INPP5A: variants seen among roughly 807,000 people sequenced by gnomAD.
The protein encoded by INPP5A is inositol polyphosphate-5-phosphatase A.
INPP5A carries 14 observed loss-of-function variants against 65.2 expected under a neutral mutation model. The ratio of observed to expected loss-of-function variants is 0.21; its 90% CI spans 0.14 to 0.34. INPP5A has a LOEUF of 0.34. Among genes scored for constraint, INPP5A ranks in the 10% least tolerant of loss-of-function variants. The pLI is 1.00. For synonymous variants in INPP5A, 207 were observed against 208.3 expected, an observed-to-expected ratio of 0.99 and a Z score of 0.05; for missense variants, 431 against 545.6, an observed-to-expected ratio of 0.79 and a Z score of 2.09.
At chr10:132,700,873 A>G (rs923970294) in intron 6 of INPP5A, among the ~76,000 whole-genome samples, 1 of 152,238 alleles carries the variant, frequency 6.6e-6, no homozygotes, top group African/African-American at 2.4e-5. Context: ...TTGGCTTGGT[A>G]TGAATTTCAA....
rs2072941477 is a variant in INPP5A, at chr10:132,674,776, A to G, written c.307-15616A>G. ...GTCACACGGTGACTTGATGACCCATAGACAAACGTTCAGTTTCCACCAAAG... is the reference window on the plus strand; with the variant it reads ...GTCACACGGTGACTTGATGACCCATGGACAAACGTTCAGTTTCCACCAAAG... On this transcript the variant is annotated intron_variant, in intron 4 of 15. Transcript: ENST00000368594. The surrounding 1 kb of genome is among the most constrained non-coding windows in gnomAD (Gnocchi z 4.4). Among the ~76,000 whole-genome samples, 1 of 152,152 alleles carries G rather than the reference A, an allele frequency of 6.6e-6. No individual in the cohort carries two copies. The highest frequency in any genetic ancestry group is 6.5e-5 in the Admixed American group (1 of 15,278).
At chr10:132,566,301 G>A (rs1021342816) in intron 1 of INPP5A, among the ~76,000 whole-genome samples, 1 of 152,188 alleles carries the variant, frequency 6.6e-6, no homozygotes, top group African/African-American at 2.4e-5. Flanking sequence ...AGCTCCAGAT[G>A]TAGGTGTTTC....
intron 8 of INPP5A, among the ~76,000 whole-genome samples, chr10:132,723,269 T>C (rs7071281): frequency 0.034 from 5,236 of 152,354 alleles, 289 homozygotes; most frequent in African/African-American, 0.12. Context: ...CCCCAGAGTA[T>C]TGAGAGAGGA....
At chr10:132,621,431 A>G (rs10128233) in intron 2 of INPP5A, among the ~76,000 whole-genome samples, 2,828 of 152,126 alleles carry the variant, frequency 0.019, 89 homozygotes, top group African/African-American at 0.063. Flanking sequence ...GCTTGATTTT[A>G]TCTATTTTAG....
intron 1 of INPP5A, among the ~76,000 whole-genome samples, chr10:132,540,162 G>GC (rs1564909225): frequency 6.6e-6 from 1 of 152,206 alleles, no homozygotes; most frequent in Non-Finnish European, 1.5e-5. Context: ...CATTAAGCTT[G>GC]CTGGGGCATT....
At chr10:132,781,974 C>G (rs779317254) in intron 15 of INPP5A, 26 bp downstream of exon 15, 1 of 1,612,560 alleles carries the variant, frequency 6.2e-7, no homozygotes, top group Non-Finnish European at 8.5e-7. Context: ...CCCTCCAGTT[C>G]AGCTTTTACG....
intron 14 of INPP5A, 54 bp downstream of exon 14, chr10:132,780,971 G>A: frequency 7.2e-7 from 1 of 1,387,856 alleles, no homozygotes; most frequent in Non-Finnish European, 1.0e-6. Flanking sequence ...GGAAGCTAGG[G>A]GGCCGGGGGG....
intron 1 of INPP5A, among the ~76,000 whole-genome samples, chr10:132,604,118 G>A (rs571554091): frequency 4.5e-5 from 6 of 132,090 alleles, no homozygotes; most frequent in East Asian, 2.3e-4. Context: ...TCCCCTCTCC[G>A]GCGCACCCTG....
intron 9 of INPP5A, among the ~76,000 whole-genome samples, chr10:132,733,868 C>T (rs1564989926): frequency 1.3e-5 from 2 of 152,260 alleles, no homozygotes; most frequent in South Asian, 4.1e-4. Flanking sequence ...GTCCCTGTTG[C>T]AGTTTCCTTC....
chr10:132,738,218 G>A (rs190696606), intron 9 of INPP5A, among the ~76,000 whole-genome samples: 1 of 152,320 alleles, frequency 6.6e-6, no homozygotes, highest in East Asian at 1.9e-4. Context: ...CCATGGGAAA[G>A]GTAGGGCACA....
intron 4 of INPP5A, among the ~76,000 whole-genome samples, chr10:132,673,271 C>G (rs959679366): frequency 6.6e-6 from 1 of 152,154 alleles, no homozygotes; most frequent in African/African-American, 2.4e-5. Flanking sequence ...ACTAATAACG[C>G]TAGGCCAGCA....
At chr10:132,779,900 C>T (rs1158683543) in intron 13 of INPP5A, among the ~76,000 whole-genome samples, 1 of 152,182 alleles carries the variant, frequency 6.6e-6, no homozygotes, top group African/African-American at 2.4e-5. Context: ...GTGCCGCACG[C>T]TGCCTGTGCC....
rs574432303 is a variant in INPP5A at position 132,553,360 on chromosome 10, G to C, written c.75+15189G>C. Among the ~76,000 whole-genome samples the C allele has an allele frequency of 6.2e-5, 9 of 146,272 alleles. No homozygotes were observed. In the East Asian group the frequency reaches 1.1e-3, roughly 17 times the overall value. Reference sequence around the variant, plus strand: ...AGAGCCTTGGTGGCATATTGAGTGGGATAGGGAGGGAGGACTGGTGAACGC... The same window carrying C: ...AGAGCCTTGGTGGCATATTGAGTGGCATAGGGAGGGAGGACTGGTGAACGC... On this transcript the variant is annotated intron_variant, in intron 1 of 15. Transcript: ENST00000368594.
intron 1 of INPP5A, among the ~76,000 whole-genome samples, chr10:132,554,332 C>T (rs1330411396): frequency 6.6e-6 from 1 of 152,152 alleles, no homozygotes; most frequent in East Asian, 1.9e-4. Flanking sequence ...TGTCCAGTGG[C>T]TGGAGGGTGG....
intron 1 of INPP5A, among the ~76,000 whole-genome samples, chr10:132,607,613 A>G (rs915045824): frequency 1.3e-5 from 2 of 152,232 alleles, no homozygotes; most frequent in African/African-American, 4.8e-5. Context: ...AGGCTGGAGC[A>G]ACACAGAGCC....
rs569431635 is a variant in INPP5A, at chr10:132,775,339, C to G, written c.978-2332C>G. 5.9e-4 allele frequency among the ~76,000 whole-genome samples: 90 copies of G among 152,118 alleles called. No individual in the cohort carries two copies. The Middle Eastern group carries it at 0.034, about 57-fold the overall frequency. The stretch of plus-strand genomic sequence containing the variant: ...CCCCTGTCCTGTGTGCCTCCCCCCC[C>G]ACCCAGCAGGTATGCTTTCAGATAA... On this transcript the variant is annotated intron_variant, in intron 12 of 15. Transcript: ENST00000368594.
intron 11 of INPP5A, among the ~76,000 whole-genome samples, chr10:132,763,503 ATGCCTGCATACACATAAACACG>A (rs1361055964): frequency 6.6e-6 from 1 of 152,292 alleles, no homozygotes; most frequent in African/African-American, 2.4e-5. Flanking sequence ...AAAGACACAC[ATGCCTGCATACACATAAACACG>A]TGCCTGCATG....
chr10:132,688,686 T>C (rs1036782494), intron 4 of INPP5A, among the ~76,000 whole-genome samples: 1 of 151,150 alleles, frequency 6.6e-6, no homozygotes, highest in South Asian at 2.1e-4. Context: ...TGCGTGTGCA[T>C]GAGTGCATGT....
intron 4 of INPP5A, among the ~76,000 whole-genome samples, chr10:132,690,086 C>T (rs1213016271): frequency 6.6e-6 from 1 of 152,214 alleles, no homozygotes; most frequent in Non-Finnish European, 1.5e-5. Flanking sequence ...CCTGCTGGAG[C>T]CAGCACCGGC....
Sources: allele counts gnomAD v4.1 joint callset (sites outside exome capture counted in the v4.1 genomes callset), GRCh38; gene constraint gnomAD v4.1.1; non-coding constraint Gnocchi (gnomAD v3.1); transcripts MANE v1.5; gene names NCBI Gene and HGNC (gene_info 2026-07-23, HGNC 2026-07-21).